The following NRG3 variants were observed in gnomAD, a reference collection of about 807,000 sequenced individuals.
The protein encoded by NRG3 is pro-neuregulin-3, membrane-bound isoform.
Under a neutral mutation model 66.9 loss-of-function variants are expected in NRG3, and 31 were observed. The observed-to-expected ratio is 0.46, with a 90% CI of 0.35 to 0.63. NRG3 has a LOEUF of 0.63. Among genes scored for constraint, NRG3 ranks in the 20% least tolerant of loss-of-function variants. The pLI is 0.00. For missense variants in NRG3, 910 were observed against 878.9 expected (o/e 1.04, Z -0.45); for synonymous variants, 393 against 359.4 (o/e 1.09, Z -1.06).
chr10:82,670,152 C>A (rs1004942583), intron 2 of NRG3, among the ~76,000 whole-genome samples: 3 of 152,104 alleles, frequency 2.0e-5, no homozygotes, highest in Non-Finnish European at 4.4e-5. Flanking sequence ...TGCCTTCTTT[C>A]ACCCTACTCT....
intron 4 of NRG3, among the ~76,000 whole-genome samples, chr10:82,871,925 C>T (rs1278178692): frequency 1.3e-5 from 2 of 151,886 alleles, no homozygotes; most frequent in Non-Finnish European, 2.9e-5. Context: ...TTATTTAATT[C>T]GCTACAACTT....
chr10:82,217,698 C>T (rs1462859606), intron 1 of NRG3, among the ~76,000 whole-genome samples: 3 of 150,014 alleles, frequency 2.0e-5, no homozygotes, highest in Non-Finnish European at 4.4e-5. Context: ...TCTTCAAAAG[C>T]AGTATGGCCT....
intron 2 of NRG3, among the ~76,000 whole-genome samples, chr10:82,422,351 A>T (rs959784580): frequency 1.3e-5 from 2 of 152,044 alleles, no homozygotes; most frequent in African/African-American, 4.8e-5. Context: ...AGAATTTGTA[A>T]TGTATTAATA....
intron 1 of NRG3, among the ~76,000 whole-genome samples, chr10:81,929,350 G>A (rs1194350115): frequency 6.6e-6 from 1 of 152,120 alleles, no homozygotes; most frequent in Admixed American, 6.5e-5. Flanking sequence ...ATGTGCCTAA[G>A]AATTAAAACA....
rs1841549363 is a variant in NRG3 at position 81,875,657 on chromosome 10, A to C, written c.317A>C (p.Lys106Thr). Reference sequence around the variant, plus strand: ...GTGCCCACCGACCTAGTGGACTCCAAGGGGATGGGCCAGGACCCCTTCTTC... The same window carrying C: ...GTGCCCACCGACCTAGTGGACTCCACGGGGATGGGCCAGGACCCCTTCTTC... Reference protein sequence around the residue: ...EYVPTDLVDSKGMGQDPFFLS... With the variant: ...EYVPTDLVDSTGMGQDPFFLS... The change falls in exon 1 of 9, where the codon AAG becomes ACG. Residue 106 changes from lysine (K) to threonine (T), a missense_variant. By Grantham distance (78) the Lys-to-Thr change is moderately conservative. Transcript: ENST00000372141. This position sits in a 1 kb window ranked among gnomAD's most constrained non-coding sequence, Gnocchi z 5.3. 1 of 1,613,752 alleles carries C rather than the reference A, an allele frequency of 6.2e-7. No homozygotes were observed. Among genetic ancestry groups the C allele is most frequent in the African/African-American group, 1.3e-5 (1 of 74,902 alleles).
At chr10:82,868,911 C>CT (rs1334673989) in intron 4 of NRG3, among the ~76,000 whole-genome samples, 2 of 152,066 alleles carry the variant, frequency 1.3e-5, no homozygotes, top group Non-Finnish European at 2.9e-5. Flanking sequence ...AGGCTGTTCT[C>CT]TAACTCCTGA....
chr10:82,709,360 T>TA (rs2056512634), intron 2 of NRG3, among the ~76,000 whole-genome samples: 1 of 151,018 alleles, frequency 6.6e-6, no homozygotes, highest in African/African-American at 2.5e-5. Context: ...CAGCTGGTTT[T>TA]TTTTTGTTTT....
At chr10:82,391,664 A>G (rs2086373886) in intron 2 of NRG3, among the ~76,000 whole-genome samples, 3 of 152,208 alleles carry the variant, frequency 2.0e-5, no homozygotes, top group African/African-American at 4.8e-5. Context: ...AGATGAGGAT[A>G]ATGCCCAAGG....
intron 1 of NRG3, among the ~76,000 whole-genome samples, chr10:81,991,297 T>A (rs2133573213): frequency 6.6e-6 from 1 of 152,292 alleles, no homozygotes; most frequent in African/African-American, 2.4e-5. Flanking sequence ...GGTTATTATC[T>A]CAAAAATCAT....
intron 1 of NRG3, among the ~76,000 whole-genome samples, chr10:82,121,445 T>C (rs2068082850): frequency 6.6e-6 from 1 of 152,144 alleles, no homozygotes. Flanking sequence ...GAACATACCC[T>C]ACATGAACTG....
intron 1 of NRG3, among the ~76,000 whole-genome samples, chr10:82,097,944 AT>A (rs1238826777): frequency 2.0e-5 from 3 of 151,838 alleles, no homozygotes; most frequent in Non-Finnish European, 4.4e-5. Flanking sequence ...TAATCGGGTC[AT>A]TTGTTTCCTT....
chr10:82,349,927 G>T (rs926849323), intron 1 of NRG3, among the ~76,000 whole-genome samples: 7 of 152,118 alleles, frequency 4.6e-5, no homozygotes, highest in Non-Finnish European at 8.8e-5. Flanking sequence ...TTCGGCTCGC[G>T]CACGGTGCGC....
At chr10:82,904,133 A>G (rs938051801) in intron 4 of NRG3, among the ~76,000 whole-genome samples, 1 of 152,210 alleles carries the variant, frequency 6.6e-6, no homozygotes, top group Non-Finnish European at 1.5e-5. Flanking sequence ...CACAGGCCAC[A>G]TGTGGCCCAG....
chr10:82,233,226 A>G (rs981173847), intron 1 of NRG3, among the ~76,000 whole-genome samples: 7 of 152,176 alleles, frequency 4.6e-5, no homozygotes, highest in African/African-American at 7.2e-5. Flanking sequence ...TTAGCCGGGC[A>G]TGGTGGTAGG....
intron 1 of NRG3, among the ~76,000 whole-genome samples, chr10:82,096,935 T>C (rs1032351144): frequency 6.6e-6 from 1 of 152,260 alleles, no homozygotes; most frequent in Admixed American, 6.5e-5. Context: ...TTTGCACAGA[T>C]TTAAAAGAAA....
chr10:82,173,674 AAC>A (rs3037392), intron 1 of NRG3, among the ~76,000 whole-genome samples: 6,488 of 146,546 alleles, frequency 0.044, 380 homozygotes, highest in East Asian at 0.15. Flanking sequence ...TGCATATGTG[AAC>A]ACACACACAC....
intron 1 of NRG3, among the ~76,000 whole-genome samples, chr10:81,899,294 C>T (rs1347956432): frequency 6.6e-6 from 1 of 152,224 alleles, no homozygotes; most frequent in Non-Finnish European, 1.5e-5. Context: ...TCTGCTTCTA[C>T]CAAGGAACTT....
intron 1 of NRG3, among the ~76,000 whole-genome samples, chr10:82,220,860 G>A (rs1392391666): frequency 3.3e-5 from 5 of 152,116 alleles, no homozygotes; most frequent in African/African-American, 1.2e-4. Flanking sequence ...AGTCAGGAAT[G>A]ATGACTTGTG....
intron 2 of NRG3, among the ~76,000 whole-genome samples, chr10:82,427,013 A>G (rs1022844224): frequency 2.3e-4 from 35 of 152,174 alleles, no homozygotes; most frequent in African/African-American, 8.4e-4. Flanking sequence ...AATATGACTG[A>G]TTTTTGTATA....
Sources: allele counts gnomAD v4.1 joint callset (sites outside exome capture counted in the v4.1 genomes callset), GRCh38; gene constraint gnomAD v4.1.1; non-coding constraint Gnocchi (gnomAD v3.1); transcripts MANE v1.5; gene names NCBI Gene and HGNC (gene_info 2026-07-23, HGNC 2026-07-21).